The following KCNN2 variants were observed in gnomAD, a reference collection of about 807,000 sequenced individuals.
The protein encoded by KCNN2 is potassium calcium-activated channel subfamily N member 2.
Under a neutral mutation model 55.5 loss-of-function variants are expected in KCNN2, and 24 were observed. That is an observed-to-expected ratio of 0.43 (90% CI 0.31 to 0.61). KCNN2 has a LOEUF of 0.61. Ranked by LOEUF, KCNN2 falls within the 20% of genes least tolerant of loss-of-function variation. The pLI, the probability that KCNN2 is intolerant of heterozygous loss-of-function variation, is 0.08. For synonymous variants in KCNN2, 431 were observed against 336.1 expected, an observed-to-expected ratio of 1.28 and a Z score of -3.09; for missense variants, 754 against 853.6, an observed-to-expected ratio of 0.88 and a Z score of 1.45.
intron 2 of KCNN2, among the ~76,000 whole-genome samples, chr5:114,353,996 G>C (rs953976913): frequency 2.6e-5 from 4 of 151,732 alleles, no homozygotes; most frequent in African/African-American, 9.7e-5. Flanking sequence ...TTATTTCTTT[G>C]AATATTTTTT....
In KCNN2 at chr5:114,174,703, G is replaced by A. The variant is rs10447261; in HGVS notation, c.-270-46777G>A. Among the ~76,000 whole-genome samples, 224 of 152,172 alleles carry A rather than the reference G, an allele frequency of 1.5e-3. 1 individual carries two copies. Among genetic ancestry groups the A allele is most frequent in the African/African-American group, 5.2e-3 (217 of 41,536 alleles). On this transcript the variant is annotated intron_variant, in intron 1 of 10. Transcript: ENST00000512097. Reference sequence around the variant, plus strand: ...GGTGAATTTGTATATTTCCCTTCTCGATAAAACAGGATGTCATGAAATTTA... The same window carrying A: ...GGTGAATTTGTATATTTCCCTTCTCAATAAAACAGGATGTCATGAAATTTA...
intron 6 of KCNN2, among the ~76,000 whole-genome samples, chr5:114,487,690 C>T (rs1206415004): frequency 6.6e-6 from 1 of 152,056 alleles, no homozygotes; most frequent in African/African-American, 2.4e-5. Flanking sequence ...GGTTTAAGTC[C>T]TTCGTTCTGT....
chr5:114,342,151 T>C (rs1301006503), intron 2 of KCNN2, among the ~76,000 whole-genome samples: 1 of 152,156 alleles, frequency 6.6e-6, no homozygotes, highest in Non-Finnish European at 1.5e-5. Context: ...TCCACCCGCC[T>C]TGGCCTCCCA....
chr5:114,290,774 T>A (rs1391402291), intron 2 of KCNN2, among the ~76,000 whole-genome samples: 2 of 152,156 alleles, frequency 1.3e-5, no homozygotes, highest in Non-Finnish European at 2.9e-5. Context: ...CTAAGTTTCT[T>A]TAATGCTATG....
In KCNN2 at chr5:114,155,713, C is replaced by T. The variant is rs536953823; in HGVS notation, c.-270-65767C>T. 2.0e-5 allele frequency among the ~76,000 whole-genome samples: 3 copies of T among 152,234 alleles called. No homozygotes were observed. The South Asian group carries it at 6.2e-4, about 32-fold the overall frequency. The stretch of plus-strand genomic sequence containing the variant: ...CAAAAACGTCGGTTCATGTCCTTTG[C>T]CCACTTTTTAATGGGGTTATTTGTT... On this transcript the variant is annotated intron_variant, in intron 1 of 10. Transcript: ENST00000512097.
At chr5:114,156,946 T>C (rs1752647499) in intron 1 of KCNN2, among the ~76,000 whole-genome samples, 1 of 152,100 alleles carries the variant, frequency 6.6e-6, no homozygotes. Context: ...GTTGTTTAGT[T>C]ATGTAGTATA....
intron 1 of KCNN2, among the ~76,000 whole-genome samples, chr5:114,093,491 A>G (rs1360488401): frequency 6.6e-6 from 1 of 151,982 alleles, no homozygotes; most frequent in African/African-American, 2.4e-5. Context: ...ACAGTGCCCC[A>G]CTCCCAGTAC....
intron 2 of KCNN2, among the ~76,000 whole-genome samples, chr5:114,286,034 C>T (rs1755741934): frequency 6.6e-6 from 1 of 151,764 alleles, no homozygotes; most frequent in South Asian, 2.1e-4. Flanking sequence ...ATTATCCTGT[C>T]TCAGCCTCCT....
intron 2 of KCNN2, among the ~76,000 whole-genome samples, chr5:114,235,655 G>T (rs558089348): frequency 6.6e-6 from 1 of 152,326 alleles, no homozygotes; most frequent in South Asian, 2.1e-4. Flanking sequence ...GGAGATAGGA[G>T]TGAGGCTAAA....
intron 1 of KCNN2, among the ~76,000 whole-genome samples, chr5:114,155,080 T>A (rs1752602447): frequency 6.6e-6 from 1 of 152,090 alleles, no homozygotes; most frequent in African/African-American, 2.4e-5. Context: ...GTTGTTCCCA[T>A]CTAGGTGTCC....
intron 2 of KCNN2, among the ~76,000 whole-genome samples, chr5:114,336,526 A>C (rs1756927373): frequency 6.6e-6 from 1 of 152,194 alleles, no homozygotes; most frequent in Admixed American, 6.5e-5. Flanking sequence ...GCATCATTGG[A>C]CGAGACACTA....
upstream of KCNN2, among the ~76,000 whole-genome samples, chr5:114,359,574 G>GT (rs1757365513): frequency 6.6e-6 from 1 of 152,152 alleles, no homozygotes; most frequent in Non-Finnish European, 1.5e-5. Context: ...TGACAGTTTA[G>GT]TAACTGTAGA....
At chr5:114,165,793 T>A (rs10059923) in intron 1 of KCNN2, among the ~76,000 whole-genome samples, 1 of 152,206 alleles carries the variant, frequency 6.6e-6, no homozygotes, top group African/African-American at 2.4e-5. Context: ...TTACTGTTTA[T>A]GGCATTGGTA....
intron 2 of KCNN2, among the ~76,000 whole-genome samples, chr5:114,274,868 C>T (rs534863219): frequency 6.6e-6 from 1 of 152,288 alleles, no homozygotes; most frequent in East Asian, 1.9e-4. Flanking sequence ...ACTTCCAACA[C>T]TATGTTGAAT....
chr5:114,329,358 C>T (rs976654992), intron 2 of KCNN2, among the ~76,000 whole-genome samples: 1 of 152,196 alleles, frequency 6.6e-6, no homozygotes, highest in Non-Finnish European at 1.5e-5. Flanking sequence ...CACCCTCAAT[C>T]TGTGTGGGCA....
chr5:114,214,978 T>A (rs990554425), intron 1 of KCNN2, among the ~76,000 whole-genome samples: 3 of 152,130 alleles, frequency 2.0e-5, no homozygotes, highest in Non-Finnish European at 2.9e-5. Context: ...AGTCTGGTAT[T>A]ATTTATTTGG....
At chr5:114,305,824 A>T (rs1756258650) in intron 2 of KCNN2, among the ~76,000 whole-genome samples, 1 of 152,194 alleles carries the variant, frequency 6.6e-6, no homozygotes, top group Non-Finnish European at 1.5e-5. Flanking sequence ...GCTCACTGCA[A>T]AGGAGAGATT....
In KCNN2 at chr5:114,217,173, C is replaced by A. The variant is rs965124574; in HGVS notation, c.-270-4307C>A. On this transcript the variant is annotated intron_variant, in intron 1 of 10. Transcript: ENST00000512097. ...GGAAAACTCAATATCATCAATACAT[C>A]ATTCAACTTGATCTAGAGATTCAAT... is the stretch of plus-strand genomic sequence containing the variant. 6.6e-5 allele frequency among the ~76,000 whole-genome samples: 10 copies of A among 152,126 alleles called. No individual in the cohort carries two copies. The South Asian group carries it at 1.7e-3, about 25-fold the overall frequency.
intron 2 of KCNN2, among the ~76,000 whole-genome samples, chr5:114,383,224 A>G (rs1354875825): frequency 3.3e-5 from 5 of 152,018 alleles, no homozygotes; most frequent in Non-Finnish European, 7.4e-5. Context: ...TCCAAATTTT[A>G]CCTTCCTCCC....
Sources: allele counts gnomAD v4.1 joint callset (sites outside exome capture counted in the v4.1 genomes callset), GRCh38; gene constraint gnomAD v4.1.1; transcripts MANE v1.5; gene names NCBI Gene and HGNC (gene_info 2026-07-23, HGNC 2026-07-21).